COP1: variants seen among roughly 807,000 people sequenced by gnomAD.
COP1 encodes E3 ubiquitin-protein ligase COP1.
Under a neutral mutation model 101.3 loss-of-function variants are expected in COP1, and 24 were observed. The observed-to-expected ratio is 0.24, with a 90% CI of 0.17 to 0.33. The LOEUF (loss-of-function observed/expected upper bound fraction) is 0.33, where lower values mean the gene tolerates loss of function less well. Ranked by LOEUF, COP1 falls within the 10% of genes least tolerant of loss-of-function variation. The pLI, the probability that COP1 is intolerant of heterozygous loss-of-function variation, is 1.00. For missense variants in COP1, 663 were observed against 906.2 expected, an observed-to-expected ratio of 0.73 and a Z score of 3.45; for synonymous variants, 347 against 341.9, an observed-to-expected ratio of 1.01 and a Z score of -0.17.
intron 3 of COP1, among the ~76,000 whole-genome samples, chr1:176,168,195 T>C (rs1270546943): frequency 6.6e-6 from 1 of 151,728 alleles, no homozygotes; most frequent in Non-Finnish European, 1.5e-5. Context: ...GTAGCTGGGA[T>C]TACCGGTGCG....
intron 2 of COP1, among the ~76,000 whole-genome samples, chr1:176,181,428 A>C (rs1018736922): frequency 1.1e-3 from 19 of 17,198 alleles, no homozygotes; most frequent in African/African-American, 1.6e-3. Context: ...ACAAAACTGC[A>C]AAAAAAAAAA....
rs372490136 is a variant in COP1 at position 176,165,565 on chromosome 1, C to G, written c.566-1674G>C. Among the ~76,000 whole-genome samples the G allele has an allele frequency of 1.2e-4, 18 of 152,042 alleles. No homozygotes were observed. The East Asian group carries it at 3.3e-3, about 28-fold the overall frequency. On this transcript the variant is annotated intron_variant, in intron 3 of 19. Coordinates refer to ENST00000367669, the MANE Select transcript of COP1 (RefSeq NM_022457.7). ...GAAAAATTAGCCTGACATGGTGGCACGTGCCTGTAGTCTCAGCTACTCGGG... is the reference window on the plus strand; with the variant it reads ...GAAAAATTAGCCTGACATGGTGGCAGGTGCCTGTAGTCTCAGCTACTCGGG...
At chr1:176,133,828 C>T in intron 8 of COP1, 1 of 450,258 alleles carries the variant, frequency 2.2e-6, no homozygotes, top group Admixed American at 2.4e-5. Context: ...ACAACTTTTT[C>T]TTCCCTGTAT....
intron 18 of COP1, among the ~76,000 whole-genome samples, chr1:175,950,035 T>C (rs141226299): frequency 6.6e-6 from 1 of 152,162 alleles, no homozygotes; most frequent in African/African-American, 2.4e-5. Flanking sequence ...GTTTAAAATA[T>C]GTACAATTAC....
rs1213849617 is a variant in COP1, at chr1:176,116,676, A to C, written c.974T>G (p.Ile325Ser). The change falls in exon 9 of 20, where the codon ATT becomes AGT. Residue 325 changes from isoleucine to serine, a missense_variant. By Grantham distance (142) the Ile-to-Ser change is moderately radical. Coordinates refer to ENST00000367669, the MANE Select transcript of COP1 (RefSeq NM_022457.7). ...FEAPSPSHSSIIDSTEYSQPP... is the reference protein window; with the variant it reads ...FEAPSPSHSSSIDSTEYSQPP... Reference sequence around the variant, plus strand: ...TTGGCTGTATTCTGTGGAATCAATAATACTACTGCAAAATGAAGAGAAAAA... The same window carrying C: ...TTGGCTGTATTCTGTGGAATCAATACTACTACTGCAAAATGAAGAGAAAAA... The C allele has an allele frequency of 1.6e-5, 25 of 1,605,936 alleles. No homozygotes were observed. Among genetic ancestry groups the C allele is most frequent in the East Asian group, 2.2e-5 (1 of 44,694 alleles).
chr1:176,205,566 T>A (rs1170815780), intron 1 of COP1, among the ~76,000 whole-genome samples: 1 of 152,200 alleles, frequency 6.6e-6, no homozygotes, highest in Admixed American at 6.5e-5. Context: ...GATCAACAAT[T>A]TCCTCAAAAA....
At position 176,152,412 on chromosome 1, in the gene COP1, T is replaced by C. The variant is rs566576175; in HGVS notation, c.763-3338A>G. Among the ~76,000 whole-genome samples the C allele has an allele frequency of 2.8e-4, 42 of 152,268 alleles. No homozygotes were observed. The South Asian group carries it at 8.1e-3, about 29-fold the overall frequency. ...TATTTGCTATAAATCTTGTTAATAA[T>C]GTTATGACATTGTAAATTAGAAGTA... On this transcript the variant is annotated intron_variant, in intron 5 of 19. Transcript: ENST00000367669.
rs543918756 is a variant in COP1 at position 175,965,650 on chromosome 1, G to A, written c.2134-18411C>T. Among the ~76,000 whole-genome samples the A allele has an allele frequency of 7.8e-3, 1,176 of 151,486 alleles. 7 individuals carry two copies. Among genetic ancestry groups the A allele is most frequent in the South Asian group, 0.031 (151 of 4,800 alleles). Reference sequence around the variant, plus strand: ...GTCGCTCAGGCTGGACTGCAGTGGTGCAGTCTCGGCTCACTGCAACCTCCG... The same window carrying A: ...GTCGCTCAGGCTGGACTGCAGTGGTACAGTCTCGGCTCACTGCAACCTCCG... On this transcript the variant is annotated intron_variant, in intron 18 of 19. Transcript: ENST00000367669.
intron 11 of COP1, among the ~76,000 whole-genome samples, chr1:176,047,565 T>A (rs1671731281): frequency 6.6e-6 from 1 of 152,242 alleles, no homozygotes; most frequent in South Asian, 2.1e-4. Context: ...TGTATGAATG[T>A]ATCTTCAATA....
intron 1 of COP1, among the ~76,000 whole-genome samples, chr1:176,185,513 T>C (rs562736233): frequency 6.6e-6 from 1 of 152,318 alleles, no homozygotes; most frequent in African/African-American, 2.4e-5. Flanking sequence ...CTATATGATA[T>C]TATTCTGGCC....
At chr1:176,035,000 C>T (rs1166858786) in intron 14 of COP1, among the ~76,000 whole-genome samples, 1 of 152,124 alleles carries the variant, frequency 6.6e-6, no homozygotes, top group Non-Finnish European at 1.5e-5. Context: ...GACCCAACAT[C>T]TTACAATATA....
At chr1:175,948,296 C>G (rs1309552250) in intron 18 of COP1, among the ~76,000 whole-genome samples, 2 of 152,156 alleles carry the variant, frequency 1.3e-5, no homozygotes, top group Non-Finnish European at 2.9e-5. Flanking sequence ...GGCTCTGGAA[C>G]TTGGATGTGT....
At chr1:176,052,032 C>A (rs1245662842) in intron 11 of COP1, among the ~76,000 whole-genome samples, 3 of 152,074 alleles carry the variant, frequency 2.0e-5, no homozygotes, top group Non-Finnish European at 4.4e-5. Context: ...TTTATAAAGT[C>A]TACAGTAATA....
intron 18 of COP1, among the ~76,000 whole-genome samples, chr1:175,955,227 A>G (rs1650470850): frequency 6.6e-6 from 1 of 152,126 alleles, no homozygotes; most frequent in Non-Finnish European, 1.5e-5. Context: ...GGGTGACAGG[A>G]GTGAGACCCT....
Position 175,988,390 on chromosome 1 carries a change from G to T in COP1, c.1870C>A (p.Leu624Met). ...VSASTDSQLK[L>M]WNVGKPYCLR... ...CAGTATGGTTTCCCTACATTCCACA[G>T]TTTTAGCTGACTGTCTGTTGAGCTG... Residue 624 changes from leucine (L) to methionine (M), a missense_variant, in exon 17 of 20, where the codon CTG becomes ATG. Leu to Met is a conservative substitution (Grantham distance 15, BLOSUM62 2). Coordinates refer to ENST00000367669, the MANE Select transcript of COP1 (RefSeq NM_022457.7). The T allele has an allele frequency of 6.2e-7, 1 of 1,604,634 alleles. No individual in the cohort carries two copies. The highest frequency in any genetic ancestry group is 8.5e-7 in the Non-Finnish European group (1 of 1,173,882).
intron 18 of COP1, among the ~76,000 whole-genome samples, chr1:175,966,607 G>A (rs755597381): frequency 2.6e-5 from 4 of 152,054 alleles, no homozygotes; most frequent in Non-Finnish European, 5.9e-5. Flanking sequence ...TCACATGTCT[G>A]GGCTTCATCC....
At chr1:176,171,066 A>T (rs1695974579) in intron 3 of COP1, among the ~76,000 whole-genome samples, 4 of 135,822 alleles carry the variant, frequency 2.9e-5, no homozygotes. Context: ...TGGAGCTTGC[A>T]GGGAGCCGAG....
At chr1:175,967,613 G>C (rs897547744) in intron 18 of COP1, among the ~76,000 whole-genome samples, 1 of 152,142 alleles carries the variant, frequency 6.6e-6, no homozygotes, top group Non-Finnish European at 1.5e-5. Context: ...CACACAACAG[G>C]AAAAACCAAG....
In COP1 at chr1:176,066,758, T is replaced by A. The variant is rs756486751; in HGVS notation, c.1277+14394A>T. Among the ~76,000 whole-genome samples, 6 of 152,286 alleles carry A rather than the reference T, an allele frequency of 3.9e-5. No individual in the cohort carries two copies. In the South Asian group the frequency reaches 6.2e-4, roughly 16 times the overall value. ...ACTATGAAATTCCTTCACCAAAAAA[T>A]GATAACTAGAACAGCTTTTTTTGAG... On this transcript the variant is annotated intron_variant, in intron 11 of 19. Transcript: ENST00000367669.
Sources: gnomAD v4.1 joint callset for allele counts (sites outside exome capture counted in the v4.1 genomes callset) on GRCh38, gnomAD v4.1.1 for gene constraint, MANE v1.5 for transcripts, NCBI Gene and HGNC (gene_info 2026-07-23, HGNC 2026-07-21) for gene names.